AKNAD1: variants seen among roughly 807,000 people sequenced by gnomAD.
AKNAD1 encodes the protein AKNA domain containing 1.
Under a neutral mutation model 90.8 loss-of-function variants are expected in AKNAD1, and 67 were observed. The ratio of observed to expected loss-of-function variants is 0.74; its 90% CI spans 0.61 to 0.90. The LOEUF is 0.90. Ranked by LOEUF, AKNAD1 falls within the 40% of genes least tolerant of loss-of-function variation. The pLI is 0.00. For synonymous variants in AKNAD1, 327 were observed against 341.4 expected (o/e 0.96, Z 0.46); for missense variants, 957 against 975.4 (o/e 0.98, Z 0.25).
chr1:108,816,141 C>G lies in AKNAD1; in HGVS notation c.*30G>C. On this transcript the variant is annotated 3_prime_UTR_variant, in exon 16 of 16. Transcript: ENST00000370001. Reference sequence around the variant, plus strand: ...GATCAAGTTTTCTTTGCATTTTTTTCTTTTGAATCCTTGGTAGCCTAGCGT... The same window carrying G: ...GATCAAGTTTTCTTTGCATTTTTTTGTTTTGAATCCTTGGTAGCCTAGCGT... The G allele has an allele frequency of 6.6e-7, 1 of 1,517,742 alleles. No individual in the cohort carries two copies. The highest frequency in any genetic ancestry group is 1.3e-5 in the South Asian group (1 of 77,482). 94.0% of individuals were successfully genotyped at this position (1,517,742 alleles called of 1,614,324 possible). A position where few individuals can be genotyped will look rare whatever the true frequency, so the allele number is the denominator to read the frequency against.
chr1:108,852,641 T>C lies in AKNAD1; in HGVS notation c.24A>G (p.Glu8=). The change falls in exon 2 of 16, where the codon GAA becomes GAG. Residue 8 remains glutamate, a synonymous_variant. Coordinates refer to ENST00000370001, the MANE Select transcript of AKNAD1 (RefSeq NM_152763.5). The part of the protein sequence containing the change: MDEADFS[E]HTTYKQEDLP... ...AATCCTCCTGCTTATAAGTCGTGTG[T>C]TCTGAAAAATCAGCCTCATCCATGT... The C allele has an allele frequency of 6.3e-7, 1 of 1,589,068 alleles. No homozygotes were observed. The highest frequency in any genetic ancestry group is 2.2e-5 in the East Asian group (1 of 44,732).
intron 5 of AKNAD1, among the ~76,000 whole-genome samples, chr1:108,847,868 C>G (rs1664744773): frequency 6.6e-6 from 1 of 152,204 alleles, no homozygotes; most frequent in South Asian, 2.1e-4. Context: ...TCCACTGTTC[C>G]TAAGAGACTA....
At chr1:108,830,202 C>T (rs1367185326) in intron 10 of AKNAD1, among the ~76,000 whole-genome samples, 7 of 152,124 alleles carry the variant, frequency 4.6e-5, no homozygotes, top group Admixed American at 3.3e-4. Context: ...GACCACCCTC[C>T]GTGGGCTGTA....
upstream of AKNAD1, among the ~76,000 whole-genome samples, chr1:108,857,668 C>T (rs1472607113): frequency 6.6e-6 from 1 of 152,288 alleles, no homozygotes; most frequent in Admixed American, 6.5e-5. Flanking sequence ...CCTCTACAAA[C>T]CAGGCAAACT....
intron 7 of AKNAD1, among the ~76,000 whole-genome samples, chr1:108,836,450 G>C (rs1383156262): frequency 2.0e-5 from 3 of 152,130 alleles, no homozygotes; most frequent in Non-Finnish European, 4.4e-5. Flanking sequence ...ACAGAGGCCG[G>C]GGCCAAGAAT....
chr1:108,823,495 A>G lies in AKNAD1; in HGVS notation c.2060-18T>C, dbSNP rs879165246. On this transcript the variant is annotated intron_variant, in intron 12 of 15. Transcript: ENST00000370001. ...ATGAAATTCTGGGAAGAAAAGATTAAAAATACAGTTAATTGCCTGGGAACA... is the reference window on the plus strand; with the variant it reads ...ATGAAATTCTGGGAAGAAAAGATTAGAAATACAGTTAATTGCCTGGGAACA... 1.2e-6 allele frequency: 2 copies of G among 1,611,922 alleles called. No individual in the cohort carries two copies. Among genetic ancestry groups the G allele is most frequent in the South Asian group, 2.2e-5 (2 of 91,026 alleles).
Position 108,849,583 on chromosome 1 carries a change from A to C in AKNAD1, c.994-7T>G, listed in dbSNP as rs1664792248. ...TATGTACTATGGGCTCCATCTGCAC[A>C]ATTAAAGGGTAAGAAAACGTTACTG... On this transcript the variant is annotated splice_polypyrimidine_tract_variant and splice_region_variant and intron_variant, in intron 2 of 15. Coordinates refer to ENST00000370001, the MANE Select transcript of AKNAD1 (RefSeq NM_152763.5). 6.3e-7 allele frequency: 1 copy of C among 1,592,470 alleles called. No homozygotes were observed. Among genetic ancestry groups the C allele is most frequent in the Non-Finnish European group, 8.6e-7 (1 of 1,160,350 alleles).
Position 108,816,569 on chromosome 1 carries a change from TCC to T in AKNAD1, c.2380-269_2380-268del, listed in dbSNP as rs1356424616. Among the ~76,000 whole-genome samples the T allele has an allele frequency of 2.0e-5, 3 of 152,234 alleles. No individual in the cohort carries two copies. In the East Asian group the frequency reaches 5.8e-4, roughly 29 times the overall value. On this transcript the variant is annotated intron_variant, in intron 15 of 15. Transcript: ENST00000370001. ...GAGGTCAGCCGCCAGCTGGGCTGTT[TCC>T]CTGCCGCAGAGAAAGAGAAAAAAAG...
At chr1:108,843,718 G>C (rs1051079615) in intron 5 of AKNAD1, among the ~76,000 whole-genome samples, 1 of 152,132 alleles carries the variant, frequency 6.6e-6, no homozygotes, top group Admixed American at 6.5e-5. Context: ...ATGTCTGAAG[G>C]CACATAGATC....
chr1:108,816,944 C>G (rs1343264746), intron 15 of AKNAD1, 104 bp downstream of exon 15: 1 of 1,377,918 alleles, frequency 7.3e-7, no homozygotes, highest in Non-Finnish European at 9.9e-7. Flanking sequence ...AGAGCATTTT[C>G]TGAAGCTCTG....
At chr1:108,817,808 T>A (rs1029388363) in intron 14 of AKNAD1, among the ~76,000 whole-genome samples, 1 of 152,134 alleles carries the variant, frequency 6.6e-6, no homozygotes, top group African/African-American at 2.4e-5. Context: ...TCCGGCCTTT[T>A]GGGGCCAACT....
intron 2 of AKNAD1, among the ~76,000 whole-genome samples, 179 bp downstream of exon 2, chr1:108,851,493 G>C (rs1359555113): frequency 6.6e-6 from 1 of 152,170 alleles, no homozygotes; most frequent in Non-Finnish European, 1.5e-5. Flanking sequence ...TGTAGCCTGT[G>C]ATGCTTCTCG....
intron 2 of AKNAD1, among the ~76,000 whole-genome samples, 174 bp from the exon 3 acceptor site, chr1:108,849,750 A>T (rs907879686): frequency 2.0e-5 from 3 of 152,186 alleles, no homozygotes; most frequent in Non-Finnish European, 4.4e-5. Context: ...TGGGCAACCC[A>T]AGTAATTGTC....
chr1:108,834,861 G>A, intron 8 of AKNAD1, 68 bp downstream of exon 8: 1 of 1,493,086 alleles, frequency 6.7e-7, no homozygotes, highest in Non-Finnish European at 8.9e-7. Flanking sequence ...GGCCTTCCTG[G>A]AGGCTGCATG....
At chr1:108,839,471 T>TAAAAAAAAAAAGAAAAAAGAAA (rs1553203224) in intron 6 of AKNAD1, among the ~76,000 whole-genome samples, 3 of 126,148 alleles carry the variant, frequency 2.4e-5, no homozygotes, top group East Asian at 2.1e-4. Flanking sequence ...TCCGTCTCAA[T>TAAAAAAAAAAAGAAAAAAGAAA]AAAAAAAAAA....
At position 108,835,042 on chromosome 1, in the gene AKNAD1, G is replaced by GT. The variant is rs1354679759; in HGVS notation, c.1550dup (p.His517GlnfsTer15). ...CTCGAGGCCCAGAAGGGTGGCCGGG[G>GT]TGCTCCTTGGGAATCTGGGGGAGCC... On this transcript the variant is annotated frameshift_variant, in exon 8 of 16. Transcript: ENST00000370001. LOFTEE classifies it high-confidence loss of function. The GT allele has an allele frequency of 2.5e-6, 4 of 1,576,056 alleles. No homozygotes were observed. Among genetic ancestry groups the GT allele is most frequent in the African/African-American group, 2.8e-5 (2 of 71,576 alleles).
In AKNAD1 at chr1:108,815,996, T is replaced by C. The variant is rs1663581813; in HGVS notation, c.*175A>G. On this transcript the variant is annotated 3_prime_UTR_variant, in exon 16 of 16. Coordinates refer to ENST00000370001, the MANE Select transcript of AKNAD1 (RefSeq NM_152763.5). The stretch of plus-strand genomic sequence containing the variant: ...TGCTTTTGATTTTAAGAATCAGAAG[T>C]CCTTTCTTTTTTCTTTTTCCTTTAA... 1 of 465,516 alleles carries C rather than the reference T, an allele frequency of 2.1e-6. No homozygotes were observed. The allele number at this position is 465,516 out of a possible 1,614,324, so 28.8% of individuals were successfully genotyped here. A position where few individuals can be genotyped will look rare whatever the true frequency, so the allele number is the denominator to read the frequency against.
At chr1:108,816,821 A>G in intron 15 of AKNAD1, 5 of 464,380 alleles carry the variant, frequency 1.1e-5, no homozygotes, top group Non-Finnish European at 1.9e-5. Context: ...CACCACCCAC[A>G]AATCACTTTC....
intron 2 of AKNAD1, among the ~76,000 whole-genome samples, chr1:108,850,742 A>G (rs950349248): frequency 3.3e-5 from 5 of 152,260 alleles, no homozygotes; most frequent in African/African-American, 1.2e-4. Flanking sequence ...ACACCTTCAT[A>G]TAAGGCTCAA....
Sources: gnomAD v4.1 joint callset for allele counts (sites outside exome capture counted in the v4.1 genomes callset) on GRCh38, gnomAD v4.1.1 for gene constraint, MANE v1.5 for transcripts, NCBI Gene and HGNC (gene_info 2026-07-23, HGNC 2026-07-21) for gene names.